Variants in GRIN2A observed in about 807,000 individuals in gnomAD.
GRIN2A encodes glutamate ionotropic receptor NMDA type subunit 2A, also known as glutamate receptor ionotropic, NMDA 2A.
A neutral mutation model predicts 113.4 loss-of-function variants in GRIN2A; 22 were observed. The ratio of observed to expected loss-of-function variants is 0.19; its 90% CI spans 0.14 to 0.28. The LOEUF (loss-of-function observed/expected upper bound fraction) is 0.28. GRIN2A is among the 10% of genes least tolerant of loss of function. GRIN2A has a pLI of 1.00. For synonymous variants in GRIN2A, 827 were observed against 738.4 expected, an observed-to-expected ratio of 1.12 and a Z score of -1.94; for missense variants, 1,502 against 1,887.0, an observed-to-expected ratio of 0.80 and a Z score of 3.78.
At chr16:10,021,442 C>G (rs1327496770) in intron 2 of GRIN2A, among the ~76,000 whole-genome samples, 1 of 152,180 alleles carries the variant, frequency 6.6e-6, no homozygotes, top group African/African-American at 2.4e-5. Context: ...AGCCAGAATT[C>G]TCACCTCAGC....
At position 9,830,220 on chromosome 16, in the gene GRIN2A, T is replaced by C. The variant is rs147329994; in HGVS notation, c.1778-568A>G. On this transcript the variant is annotated intron_variant, in intron 8 of 12. Transcript: ENST00000330684. The stretch of plus-strand genomic sequence containing the variant: ...ATGGAGACATTAAGGAATGGAACAA[T>C]AGATCTTAATTCTTCCAACACTTCA... 3.5e-3 allele frequency among the ~76,000 whole-genome samples: 536 copies of C among 152,302 alleles called. 3 individuals are homozygous for C. The highest frequency in any genetic ancestry group is 6.8e-3 in the Middle Eastern group (2 of 294).
intron 9 of GRIN2A, among the ~76,000 whole-genome samples, chr16:9,824,150 T>C (rs2042342002): frequency 6.6e-6 from 1 of 152,260 alleles, no homozygotes; most frequent in East Asian, 1.9e-4. Flanking sequence ...CAGTCATAAC[T>C]GGATTTGGGA....
chr16:10,032,311 T>C (rs759627661), intron 2 of GRIN2A, among the ~76,000 whole-genome samples: 4 of 152,232 alleles, frequency 2.6e-5, no homozygotes, highest in Non-Finnish European at 5.9e-5. Context: ...AAATGGATGA[T>C]ATTTTATAAA....
At chr16:10,053,214 G>A (rs994917870) in intron 2 of GRIN2A, among the ~76,000 whole-genome samples, 4 of 152,190 alleles carry the variant, frequency 2.6e-5, no homozygotes, top group South Asian at 4.1e-4. Flanking sequence ...AATTCAGCAA[G>A]AAAATCAAAT....
chr16:10,154,831 C>G lies in GRIN2A; in HGVS notation c.414+25167G>C, dbSNP rs78330008. On this transcript the variant is annotated intron_variant, in intron 2 of 12. Transcript: ENST00000330684. ...AGTGCCAGAAAATGTGAAAGAGGCA[C>G]ATTTAGAGCAATGTGGGTTTTTGTT... Among the ~76,000 whole-genome samples the G allele has an allele frequency of 8.9e-3, 1,361 of 152,160 alleles. 29 individuals carry two copies. Among genetic ancestry groups the G allele is most frequent in the African/African-American group, 0.032 (1,313 of 41,494 alleles).
chr16:10,083,865 G>A (rs771157066), intron 2 of GRIN2A, among the ~76,000 whole-genome samples: 4 of 152,204 alleles, frequency 2.6e-5, no homozygotes, highest in Non-Finnish European at 5.9e-5. Flanking sequence ...ACTTTGGGAG[G>A]CCAAGGCAGG....
At chr16:10,177,219 T>C (rs1272115029) in intron 2 of GRIN2A, among the ~76,000 whole-genome samples, 1 of 152,220 alleles carries the variant, frequency 6.6e-6, no homozygotes, top group African/African-American at 2.4e-5. Flanking sequence ...GGAAGGGCTG[T>C]TCACCTCTCA....
chr16:10,084,520 A>T (rs1175133455), intron 2 of GRIN2A, among the ~76,000 whole-genome samples: 1 of 152,190 alleles, frequency 6.6e-6, no homozygotes, highest in Non-Finnish European at 1.5e-5. Context: ...AAGAAAAAGA[A>T]AGATGTAACA....
chr16:9,776,869 C>G (rs1045948162), intron 11 of GRIN2A, among the ~76,000 whole-genome samples: 61 of 152,138 alleles, frequency 4.0e-4, no homozygotes, highest in Non-Finnish European at 1.2e-4. Flanking sequence ...TTGGCAGGCT[C>G]ATGTTCTCGA....
intron 2 of GRIN2A, among the ~76,000 whole-genome samples, chr16:10,173,048 G>A (rs1195908467): frequency 2.0e-5 from 3 of 152,124 alleles, no homozygotes; most frequent in East Asian, 1.9e-4. Flanking sequence ...GGGCCCAAAC[G>A]ATTGTCAGCA....
At chr16:10,140,103 T>C (rs554772963) in intron 2 of GRIN2A, among the ~76,000 whole-genome samples, 6 of 152,338 alleles carry the variant, frequency 3.9e-5, no homozygotes, top group Admixed American at 2.0e-4. Flanking sequence ...AAGAAATATT[T>C]AAGTTTATTT....
intron 2 of GRIN2A, among the ~76,000 whole-genome samples, chr16:10,061,191 A>G (rs2047545347): frequency 1.3e-5 from 2 of 152,132 alleles, no homozygotes; most frequent in South Asian, 4.1e-4. Context: ...CTGGAGCTCC[A>G]GCAGCCATCT....
chr16:10,034,294 G>A (rs2046983127), intron 2 of GRIN2A, among the ~76,000 whole-genome samples: 1 of 152,052 alleles, frequency 6.6e-6, no homozygotes, highest in Non-Finnish European at 1.5e-5. Context: ...GGAGGCTGAG[G>A]AAGGCTGATC....
chr16:10,114,602 G>T (rs1016683939), intron 2 of GRIN2A, among the ~76,000 whole-genome samples: 17 of 152,124 alleles, frequency 1.1e-4, no homozygotes, highest in African/African-American at 4.1e-4. Flanking sequence ...GTTTGTTTTG[G>T]GTAGCTAAGA....
At chr16:10,181,083 C>A (rs944439503) in intron 1 of GRIN2A, among the ~76,000 whole-genome samples, 4 of 150,880 alleles carry the variant, frequency 2.7e-5, no homozygotes, top group African/African-American at 9.8e-5. Flanking sequence ...GGAGTGAGGA[C>A]GCTGCCTGGT....
chr16:10,075,019 A>G (rs2142040667), intron 2 of GRIN2A, among the ~76,000 whole-genome samples: 1 of 152,126 alleles, frequency 6.6e-6, no homozygotes, highest in East Asian at 1.9e-4. Context: ...AGGAGTTTCC[A>G]TTATTATCAA....
intron 2 of GRIN2A, among the ~76,000 whole-genome samples, chr16:9,953,261 A>C (rs1048814434): frequency 3.3e-5 from 5 of 152,202 alleles, no homozygotes; most frequent in African/African-American, 1.2e-4. Flanking sequence ...GGAGTGAAAG[A>C]GGATTGCCAA....
At chr16:10,096,810 C>A (rs2048302876) in intron 2 of GRIN2A, among the ~76,000 whole-genome samples, 1 of 152,188 alleles carries the variant, frequency 6.6e-6, no homozygotes, top group Admixed American at 6.5e-5. Context: ...AGACCTGCTA[C>A]AACCACAACT....
In GRIN2A at chr16:9,760,650, A is replaced by C. The variant is rs1423404708; in HGVS notation, c.*2499T>G. 4.4e-6 allele frequency: 1 copy of C among 225,408 alleles called. No homozygotes were observed. The highest frequency in any genetic ancestry group is 6.4e-5 in the East Asian group (1 of 15,694). 14.0% of individuals were successfully genotyped at this position (225,408 alleles called of 1,614,324 possible). On this transcript the variant is annotated 3_prime_UTR_variant, in exon 13 of 13. Coordinates refer to ENST00000330684, the MANE Select transcript of GRIN2A (RefSeq NM_001134407.3). ...GGAAGGCTTTCTGACCGATGAAGTC[A>C]GTCCAAGTATAACTCTCACTCTCCC...
Sources: gnomAD v4.1 joint callset for allele counts (sites outside exome capture counted in the v4.1 genomes callset) on GRCh38, gnomAD v4.1.1 for gene constraint, MANE v1.5 for transcripts, NCBI Gene and HGNC (gene_info 2026-07-23, HGNC 2026-07-21) for gene names.